Variants in THADA observed in about 807,000 individuals in gnomAD.
THADA encodes THADA armadillo repeat containing, also known as tRNA (32-2'-O)-methyltransferase regulator THADA.
A neutral mutation model predicts 219.8 loss-of-function variants in THADA; 213 were observed. The observed-to-expected ratio is 0.97, with a 90% CI of 0.87 to 1.09. THADA has a LOEUF of 1.09. Among genes scored for constraint, THADA ranks in the 50% least tolerant of loss-of-function variants. The pLI, the probability that THADA is intolerant of heterozygous loss-of-function variation, is 0.00. For missense variants in THADA, 2,956 were observed against 2,311.3 expected (o/e 1.28, Z -5.72); for synonymous variants, 1,018 against 828.9 (o/e 1.23, Z -3.92).
At chr2:43,327,108 T>G (rs1679422970) in intron 30 of THADA, among the ~76,000 whole-genome samples, 1 of 151,850 alleles carries the variant, frequency 6.6e-6, no homozygotes, top group African/African-American at 2.4e-5. Flanking sequence ...GAGGATTGAT[T>G]TGATTGTCAT....
At chr2:43,571,056 G>C (rs1213959233) in intron 13 of THADA, among the ~76,000 whole-genome samples, 1 of 152,098 alleles carries the variant, frequency 6.6e-6, no homozygotes, top group Non-Finnish European at 1.5e-5. Flanking sequence ...AGGAGTTTAA[G>C]ACCAGCCTGG....
At chr2:43,579,149 C>G (rs949202739) in intron 8 of THADA, among the ~76,000 whole-genome samples, 1 of 152,114 alleles carries the variant, frequency 6.6e-6, no homozygotes, top group African/African-American at 2.4e-5. Context: ...GGCTTTTAAG[C>G]CCAGCATATA....
At chr2:43,515,126 TTTATATATA>T (rs1558891192) in intron 22 of THADA, among the ~76,000 whole-genome samples, 52 of 3,682 alleles carry the variant, frequency 0.014, 12 homozygotes, top group African/African-American at 0.059. Context: ...TATAATATAT[TTTATATATA>T]ATATATAATA....
At chr2:43,585,850 T>G (rs1700966945) in intron 7 of THADA, among the ~76,000 whole-genome samples, 1 of 152,010 alleles carries the variant, frequency 6.6e-6, no homozygotes, top group South Asian at 2.1e-4. Flanking sequence ...TCATAACAAT[T>G]TATTAAATTT....
chr2:43,511,222 G>A (rs532891058), intron 22 of THADA, among the ~76,000 whole-genome samples: 1 of 152,250 alleles, frequency 6.6e-6, no homozygotes, highest in East Asian at 1.9e-4. Context: ...AAACTAAGGG[G>A]AAGAACGAAC....
intron 36 of THADA, among the ~76,000 whole-genome samples, chr2:43,251,507 A>T (rs981131706): frequency 6.6e-6 from 1 of 152,184 alleles, no homozygotes; most frequent in East Asian, 1.9e-4. Flanking sequence ...GAAGCCCCCA[A>T]TCCCAGCTCA....
At chr2:43,552,380 A>C in intron 17 of THADA, 41 bp from the exon 18 acceptor site, 18 of 1,566,226 alleles carry the variant, frequency 1.1e-5, no homozygotes, top group Non-Finnish European at 1.6e-5. Flanking sequence ...TGTCAATCTT[A>C]AAACATTTGT....
intron 36 of THADA, among the ~76,000 whole-genome samples, chr2:43,245,021 C>T (rs1033691839): frequency 3.9e-5 from 6 of 152,220 alleles, no homozygotes; most frequent in African/African-American, 1.4e-4. Context: ...GCCTCCTCTC[C>T]TCTGCCTGGG....
At chr2:43,304,321 G>A (rs1022042116) in intron 31 of THADA, among the ~76,000 whole-genome samples, 2 of 152,160 alleles carry the variant, frequency 1.3e-5, no homozygotes, top group African/African-American at 2.4e-5. Flanking sequence ...GTTCTATTTA[G>A]AAGCAGCAGT....
chr2:43,387,858 T>C (rs771890855), intron 29 of THADA, among the ~76,000 whole-genome samples: 1 of 152,126 alleles, frequency 6.6e-6, no homozygotes, highest in South Asian at 2.1e-4. Flanking sequence ...TACAGAGAAA[T>C]GCAAGAATGT....
chr2:43,526,483 A>G (rs901264064), intron 22 of THADA, among the ~76,000 whole-genome samples: 1 of 152,168 alleles, frequency 6.6e-6, no homozygotes, highest in African/African-American at 2.4e-5. Context: ...CTTTCAACTC[A>G]TGCATTAGCA....
At chr2:43,292,685 G>C (rs1448445391) in intron 32 of THADA, 149 bp downstream of exon 32, 1 of 956,626 alleles carries the variant, frequency 1.0e-6, no homozygotes, top group East Asian at 2.5e-5. Context: ...ACCATAAAAA[G>C]AGAGTCCTTA....
intron 36 of THADA, among the ~76,000 whole-genome samples, chr2:43,277,479 T>C (rs1235123407): frequency 1.3e-5 from 2 of 152,096 alleles, no homozygotes; most frequent in African/African-American, 4.8e-5. Context: ...CCCACTCCAC[T>C]CTCCAGACCC....
intron 1 of THADA, among the ~76,000 whole-genome samples, chr2:43,594,704 T>A (rs1405318735): frequency 6.6e-6 from 1 of 152,216 alleles, no homozygotes; most frequent in East Asian, 1.9e-4. Context: ...CTTCACCATC[T>A]CAAGAGCTTT....
chr2:43,417,037 CTTTTTTTTT>C (rs67993873), intron 28 of THADA, among the ~76,000 whole-genome samples: 2 of 93,780 alleles, frequency 2.1e-5, no homozygotes, highest in African/African-American at 7.9e-5. Context: ...TGGCTGTTTT[CTTTTTTTTT>C]TTTTTTTTTT....
chr2:43,566,826 A>AAAG lies in THADA; in HGVS notation c.2188-6_2188-5insCTT. The AAAG allele has an allele frequency of 7.4e-7, 1 of 1,356,746 alleles. No individual in the cohort carries two copies. Among genetic ancestry groups the AAAG allele is most frequent in the Non-Finnish European group, 9.7e-7 (1 of 1,033,410 alleles). 84.0% of individuals were successfully genotyped at this position (1,356,746 alleles called of 1,614,324 possible). On this transcript the variant is annotated splice_region_variant and splice_polypyrimidine_tract_variant and intron_variant, in intron 14 of 37. Coordinates refer to ENST00000405975, the MANE Select transcript of THADA (RefSeq NM_022065.5). The stretch of plus-strand genomic sequence containing the variant: ...ACAAATGGATGACATGAAATTCTTA[A>AAAG]AAAAAAAAAAAAAATTACAGTAAGT...
intron 21 of THADA, among the ~76,000 whole-genome samples, chr2:43,530,051 G>C (rs1693667629): frequency 6.6e-6 from 1 of 152,014 alleles, no homozygotes; most frequent in Non-Finnish European, 1.5e-5. Context: ...CACACTCAAA[G>C]TACATCTGAT....
intron 15 of THADA, chr2:43,563,619 C>T (rs1314732521): frequency 6.6e-6 from 1 of 152,050 alleles, no homozygotes; most frequent in South Asian, 2.1e-4. Context: ...ATAATAAGCA[C>T]GAAATTAATA....
intron 29 of THADA, among the ~76,000 whole-genome samples, chr2:43,353,179 C>G (rs1006451047): frequency 1.3e-5 from 2 of 152,140 alleles, no homozygotes; most frequent in Non-Finnish European, 2.9e-5. Context: ...TTCACTTTCT[C>G]TGGATACACA....
Sources: allele counts gnomAD v4.1 joint callset (sites outside exome capture counted in the v4.1 genomes callset), GRCh38; gene constraint gnomAD v4.1.1; transcripts MANE v1.5; gene names NCBI Gene and HGNC (gene_info 2026-07-23, HGNC 2026-07-21).